The following SYTL4 variants were observed in gnomAD, a reference collection of about 807,000 sequenced individuals.
SYTL4 encodes the protein synaptotagmin-like protein 4.
A neutral mutation model predicts 52.7 loss-of-function variants in SYTL4; 16 were observed. That is an observed-to-expected ratio of 0.30 (90% CI 0.21 to 0.46). The LOEUF (loss-of-function observed/expected upper bound fraction) is 0.46, where lower values mean the gene tolerates loss of function less well. Ranked by LOEUF, SYTL4 falls within the 20% of genes least tolerant of loss-of-function variation. The pLI, the probability that SYTL4 is intolerant of heterozygous loss-of-function variation, is 1.00. For missense variants in SYTL4, 423 were observed against 519.9 expected (o/e 0.81, Z 1.81); for synonymous variants, 160 against 186.6 (o/e 0.86, Z 1.16).
At chrX:100,723,333 G>A (rs994971825) in intron 2 of SYTL4, among the ~76,000 whole-genome samples, 1 of 112,250 alleles carries the variant, frequency 8.9e-6, no homozygotes, top group Non-Finnish European at 1.9e-5. Context: ...TGTTGGCCGG[G>A]CTGGTCTCCA....
intron 2 of SYTL4, among the ~76,000 whole-genome samples, chrX:100,724,276 G>A (rs1207895192): frequency 1.9e-5 from 2 of 104,949 alleles, no homozygotes; most frequent in African/African-American, 3.6e-5. Context: ...CCGGCCAGCC[G>A]CCCCATCCGG....
At chrX:100,696,499 G>A (rs1400763710) in intron 8 of SYTL4, among the ~76,000 whole-genome samples, 4 of 111,944 alleles carry the variant, frequency 3.6e-5, no homozygotes, top group African/African-American at 1.3e-4. Flanking sequence ...GACTAAAGAT[G>A]TTGAGCACCT....
At chrX:100,696,309 T>G (rs1365824827) in intron 8 of SYTL4, among the ~76,000 whole-genome samples, 1 of 112,095 alleles carries the variant, frequency 8.9e-6, no homozygotes, top group African/African-American at 3.2e-5. Flanking sequence ...CCACCAGCAG[T>G]GTATAAGAAT....
rs2083319868 is a variant in SYTL4 at position 100,678,522 on chromosome X, T to A, written c.1736A>T (p.Asn579Ile). The change falls in exon 19 of 20, where the codon AAC becomes ATC. Residue 579 changes from asparagine to isoleucine, a missense_variant. Coordinates refer to ENST00000372989, the MANE Select transcript of SYTL4 (RefSeq NM_001370165.1). ...CACACCATTGTAGACAAATGTATGG[T>A]TGTAGTGAGGATTCAGGGTCTTCTT... ...VMKKTLNPHY[N>I]HTFVYNGVRL... 4 of 1,210,920 alleles carry A rather than the reference T, an allele frequency of 3.3e-6. No individual in the cohort carries two copies. The highest frequency in any genetic ancestry group is 4.5e-6 in the Non-Finnish European group (4 of 894,720).
At chrX:100,723,789 G>A (rs1316177844) in intron 2 of SYTL4, among the ~76,000 whole-genome samples, 1 of 109,382 alleles carries the variant, frequency 9.1e-6, no homozygotes, top group Middle Eastern at 4.3e-3. Flanking sequence ...TCTGAGAAGT[G>A]AGGAGTCCCT....
At chrX:100,726,284 A>G (rs1216204431) in intron 2 of SYTL4, among the ~76,000 whole-genome samples, 1 of 111,210 alleles carries the variant, frequency 9.0e-6, no homozygotes. Flanking sequence ...GTGTCTATTT[A>G]TGGTGTACAG....
chrX:100,721,779 C>T (rs915671481), intron 2 of SYTL4, among the ~76,000 whole-genome samples: 4 of 110,931 alleles, frequency 3.6e-5, no homozygotes, highest in African/African-American at 1.3e-4. Context: ...TACTTCCTTC[C>T]CAATAACATT....
Position 100,701,593 on chromosome X carries a change from G to A in SYTL4, c.191C>T (p.Ala64Val). 1 of 1,211,602 alleles carries A rather than the reference G, an allele frequency of 8.3e-7. No individual in the cohort carries two copies. The highest frequency in any genetic ancestry group is 1.1e-6 in the Non-Finnish European group (1 of 895,411). ...ACGGCCCAGGCTCTCCTGGCACCGGGCACAGGTCCGATCACTGTAGTGTTG... is the reference window on the plus strand; with the variant it reads ...ACGGCCCAGGCTCTCCTGGCACCGGACACAGGTCCGATCACTGTAGTGTTG... ...GSQHYSDRTC[A>V]RCQESLGRLS... The change falls in exon 6 of 20, where the codon GCC (alanine) becomes GTC (valine). Residue 64 changes from alanine (A) to valine (V), a missense_variant. Transcript: ENST00000372989.
intron 2 of SYTL4, among the ~76,000 whole-genome samples, chrX:100,707,694 AG>A (rs974239382): frequency 5.4e-5 from 6 of 111,800 alleles, no homozygotes; most frequent in Non-Finnish European, 1.1e-4. Flanking sequence ...TATGGCTACT[AG>A]GGTTTAATAG....
chrX:100,713,818 G>A (rs190105341), intron 2 of SYTL4, among the ~76,000 whole-genome samples: 22 of 108,798 alleles, frequency 2.0e-4, no homozygotes, highest in Non-Finnish European at 1.5e-4. Flanking sequence ...CAACATGAAC[G>A]AATCTCAAAA....
Position 100,690,581 on chromosome X carries a change from G to A in SYTL4, c.699C>T (p.Pro233=). 8.3e-7 allele frequency: 1 copy of A among 1,205,965 alleles called. No individual in the cohort carries two copies. The highest frequency in any genetic ancestry group is 1.1e-6 in the Non-Finnish European group (1 of 891,919). The part of the protein sequence containing the change: ...LFPEWKKMSA[P]KSQVEKETQP... The stretch of plus-strand genomic sequence containing the variant: ...AGCTTACCTTTTCTACTTGAGATTT[G>A]GGAGCAGACATCTTCTTCCATTCTG... Residue 233 remains proline (P), a synonymous_variant, in exon 10 of 20, where the codon CCC becomes CCT. Coordinates refer to ENST00000372989, the MANE Select transcript of SYTL4 (RefSeq NM_001370165.1).
At position 100,674,558 on chromosome X, in the gene SYTL4, G is replaced by C. The variant is rs2083247861; in HGVS notation, c.*1470C>G. 1 of 112,198 alleles carries C rather than the reference G, an allele frequency of 8.9e-6. No homozygotes were observed. The highest frequency in any genetic ancestry group is 1.9e-5 in the Non-Finnish European group (1 of 53,213). The allele number at this position is 112,198 out of a possible 1,213,427, so 9.2% of individuals were successfully genotyped here. ...AGGGGGGTGGGAAACAAAAGAGCAA[G>C]TTACAGCCCGGGATCCCAAGTTATG... is the stretch of plus-strand genomic sequence containing the variant. On this transcript the variant is annotated 3_prime_UTR_variant, in exon 20 of 20. Transcript: ENST00000372989.
intron 2 of SYTL4, among the ~76,000 whole-genome samples, chrX:100,715,899 C>T (rs1434411641): frequency 1.0e-5 from 1 of 99,792 alleles, no homozygotes; most frequent in African/African-American, 3.7e-5. Context: ...GATTGGGCCA[C>T]TGCACTCCAG....
chrX:100,725,860 G>A (rs921437964), intron 2 of SYTL4, among the ~76,000 whole-genome samples: 8 of 111,284 alleles, frequency 7.2e-5, no homozygotes, highest in Admixed American at 5.8e-4. Context: ...ATCAAATCAC[G>A]CTTTCTGATG....
intron 16 of SYTL4, 53 bp downstream of exon 16, chrX:100,685,937 T>C (rs2083465065): frequency 1.8e-6 from 2 of 1,119,383 alleles, no homozygotes; most frequent in Non-Finnish European, 2.4e-6. Flanking sequence ...CAGAGGCTAC[T>C]GCAGACAATT....
At chrX:100,722,280 A>C (rs1165915791) in intron 2 of SYTL4, among the ~76,000 whole-genome samples, 1 of 111,520 alleles carries the variant, frequency 9.0e-6, no homozygotes, top group Non-Finnish European at 1.9e-5. Context: ...ATTATTATCC[A>C]TATGAATTCT....
rs1269951488 is a variant in SYTL4 at position 100,678,303 on chromosome X, G to C, written c.1867+88C>G. On this transcript the variant is annotated intron_variant, in intron 19 of 19. Coordinates refer to ENST00000372989, the MANE Select transcript of SYTL4 (RefSeq NM_001370165.1). ...AAAGAAGACAACTGTCATCACAGAG[G>C]AGCTTTGTGTTGGGGGGCGGGAATG... is the stretch of plus-strand genomic sequence containing the variant. The C allele has an allele frequency of 9.4e-6, 6 of 637,927 alleles. No homozygotes were observed. In the East Asian group the frequency reaches 2.1e-4, roughly 22 times the overall value. 52.6% of individuals were successfully genotyped at this position (637,927 alleles called of 1,213,427 possible).
Position 100,701,993 on chromosome X carries a change from C to T in SYTL4, c.45G>A (p.Lys15=). 8.3e-7 allele frequency: 1 copy of T among 1,210,268 alleles called. No individual in the cohort carries two copies. The highest frequency in any genetic ancestry group is 1.1e-6 in the Non-Finnish European group (1 of 894,613). Reference sequence around the variant, plus strand: ...GCTGTAGAACACTGAGAATCAAATCCTTTTCCTCCTCAGACAGAAAAGAAA... The same window carrying T: ...GCTGTAGAACACTGAGAATCAAATCTTTTTCCTCCTCAGACAGAAAAGAAA... The part of the protein sequence containing the change: ...LDLSFLSEEE[K]DLILSVLQRD... The change falls in exon 5 of 20, where the codon AAG becomes AAA. Residue 15 remains lysine (K), a synonymous_variant. Transcript: ENST00000372989.
In SYTL4 at chrX:100,711,385, G is replaced by C. The variant is rs143545835; in HGVS notation, c.-239-6499C>G. 1.2e-3 allele frequency among the ~76,000 whole-genome samples: 136 copies of C among 111,781 alleles called. 1 individual carries two copies. The highest frequency in any genetic ancestry group is 4.3e-3 in the African/African-American group (133 of 30,782). On this transcript the variant is annotated intron_variant, in intron 2 of 19. Coordinates refer to ENST00000372989, the MANE Select transcript of SYTL4 (RefSeq NM_001370165.1). ...AGACCAAGAACTGACACAAATGTTA[G>C]AATTAGTAAACAAAGTCATCAAAGC...
Sources: allele counts gnomAD v4.1 joint callset (sites outside exome capture counted in the v4.1 genomes callset), GRCh38; gene constraint gnomAD v4.1.1; transcripts MANE v1.5; gene names NCBI Gene and HGNC (gene_info 2026-07-23, HGNC 2026-07-21).